ULK2: variants seen among roughly 807,000 people sequenced by gnomAD.
ULK2 encodes unc-51 like autophagy activating kinase 2.
ULK2 carries 76 observed loss-of-function variants against 127.5 expected under a neutral mutation model. The observed-to-expected ratio is 0.60, with a 90% CI of 0.50 to 0.72. The LOEUF (loss-of-function observed/expected upper bound fraction) is 0.72. Among genes scored for constraint, ULK2 ranks in the 30% least tolerant of loss-of-function variants. The probability of loss-of-function intolerance (pLI) is 0.00; values close to 1 mark genes in which losing one functional copy is unlikely to be tolerated. For synonymous variants in ULK2, 452 were observed against 461.9 expected, an observed-to-expected ratio of 0.98 and a Z score of 0.28; for missense variants, 1,144 against 1,295.9, an observed-to-expected ratio of 0.88 and a Z score of 1.80.
chr17:19,799,464 A>C, intron 17 of ULK2, 31 bp downstream of exon 17: 1 of 1,481,434 alleles, frequency 6.8e-7, no homozygotes, highest in Non-Finnish European at 9.0e-7. Context: ...ATACAATTCA[A>C]ATTATTAATA....
rs765480070 is a variant in ULK2, at chr17:19,804,829, G to A, written c.1159C>T (p.Gln387Ter). ...ASNEFLVCGG[Q>*]CQPTVSPHSE... is the part of the protein sequence containing the mutation. ...TGAGGTGACACAGTAGGCTGACACT[G>A]CCTGCAATCGTAATTTATTGAAAAA... Residue 387 changes from glutamine (Q) to a stop codon, truncating the protein, a stop_gained and splice_region_variant, in exon 15 of 27, where the codon CAG becomes TAG. Coordinates refer to ENST00000395544, the MANE Select transcript of ULK2 (RefSeq NM_014683.4). LOFTEE classifies it high-confidence loss of function. 2 of 1,610,110 alleles carry A rather than the reference G, an allele frequency of 1.2e-6. No homozygotes were observed. The highest frequency in any genetic ancestry group is 2.2e-5 in the East Asian group (1 of 44,828).
At chr17:19,829,856 A>AAT (rs1555561206) in intron 10 of ULK2, among the ~76,000 whole-genome samples, 17 of 150,434 alleles carry the variant, frequency 1.1e-4, no homozygotes, top group Non-Finnish European at 5.9e-5. Context: ...AAAAAAAAAA[A>AAT]GGTATTAAAT....
chr17:19,814,433 TATA>T (rs1567696479), intron 13 of ULK2, among the ~76,000 whole-genome samples: 1,674 of 23,506 alleles, frequency 0.071, 13 homozygotes, highest in Non-Finnish European at 0.095. Context: ...TATATATATA[TATA>T]TATTTTTTTT....
chr17:19,842,838 T>C (rs1366718773), intron 8 of ULK2, among the ~76,000 whole-genome samples: 1 of 152,062 alleles, frequency 6.6e-6, no homozygotes, highest in Non-Finnish European at 1.5e-5. Context: ...ACTAGGAAGC[T>C]CTGGTGTCAC....
chr17:19,831,230 C>G (rs899324509), intron 10 of ULK2, among the ~76,000 whole-genome samples: 2 of 151,976 alleles, frequency 1.3e-5, no homozygotes, highest in Admixed American at 6.6e-5. Flanking sequence ...CTCACTATCA[C>G]GAGAACAGCA....
intron 12 of ULK2, among the ~76,000 whole-genome samples, chr17:19,821,398 A>C (rs1315580635): frequency 2.2e-5 from 3 of 138,370 alleles, no homozygotes; most frequent in African/African-American, 8.3e-5. Context: ...AGTGATTTGG[A>C]GTTTTTTTAT....
chr17:19,830,980 T>C (rs2041426093), intron 10 of ULK2, among the ~76,000 whole-genome samples: 1 of 149,448 alleles, frequency 6.7e-6, no homozygotes, highest in Non-Finnish European at 1.5e-5. Flanking sequence ...TGAGCCACGA[T>C]TGCTCCACTG....
At chr17:19,853,896 C>T (rs1265644727) in intron 3 of ULK2, among the ~76,000 whole-genome samples, 1 of 152,158 alleles carries the variant, frequency 6.6e-6, no homozygotes, top group Admixed American at 6.6e-5. Flanking sequence ...AATAACATCA[C>T]CATGAGTGAT....
At chr17:19,831,077 G>A (rs2041430104) in intron 10 of ULK2, among the ~76,000 whole-genome samples, 1 of 151,134 alleles carries the variant, frequency 6.6e-6, no homozygotes. Flanking sequence ...GAAGAAAAGA[G>A]GTTTAATTTA....
intron 10 of ULK2, among the ~76,000 whole-genome samples, chr17:19,837,947 T>C (rs1439479352): frequency 6.6e-6 from 1 of 152,214 alleles, no homozygotes; most frequent in East Asian, 1.9e-4. Flanking sequence ...ACCCTCTAAA[T>C]GGCTCCCATC....
rs561120263 is a variant in ULK2, at chr17:19,799,015, G to T, written c.1522+480C>A. 2.0e-5 allele frequency among the ~76,000 whole-genome samples: 3 copies of T among 152,050 alleles called. No individual in the cohort carries two copies. In the South Asian group the frequency reaches 6.2e-4, roughly 32 times the overall value. On this transcript the variant is annotated intron_variant, in intron 17 of 26. Transcript: ENST00000395544. ...GTCTCTACTAAAAATACAAAAATTA[G>T]CCGGGCATGGTGTTGCTCACCTGTA...
At chr17:19,865,266 C>T (rs1286880442) in intron 2 of ULK2, among the ~76,000 whole-genome samples, 2 of 152,122 alleles carry the variant, frequency 1.3e-5, no homozygotes, top group Non-Finnish European at 2.9e-5. Context: ...GTTTTCCAAA[C>T]GTACTCAACC....
rs199913999 is a variant in ULK2 at position 19,772,975 on chromosome 17, CA to C, written c.*3373del. On this transcript the variant is annotated 3_prime_UTR_variant, in exon 27 of 27. Coordinates refer to ENST00000395544, the MANE Select transcript of ULK2 (RefSeq NM_014683.4). Reference sequence around the variant, plus strand: ...CCTGGGTGACAGAGCAAGACTGTCTCAAAAAAAAAAACCAAAAAACAAAAAC... The same window carrying C: ...CCTGGGTGACAGAGCAAGACTGTCTCAAAAAAAAAACCAAAAAACAAAAAC... 5.1e-4 allele frequency: 71 copies of C among 140,148 alleles called. No homozygotes were observed. Among genetic ancestry groups the C allele is most frequent in the East Asian group, 2.1e-3 (10 of 4,820 alleles). 8.7% of individuals were successfully genotyped at this position (140,148 alleles called of 1,614,324 possible).
At chr17:19,780,084 G>C (rs373808282) in intron 25 of ULK2, among the ~76,000 whole-genome samples, 1 of 151,258 alleles carries the variant, frequency 6.6e-6, no homozygotes, top group Non-Finnish European at 1.5e-5. Flanking sequence ...TGAGGCAGGA[G>C]AATCACTTGA....
chr17:19,796,412 T>C, intron 18 of ULK2, 130 bp from the exon 19 acceptor site: 1 of 839,004 alleles, frequency 1.2e-6, no homozygotes. Flanking sequence ...TGGGAAAAAT[T>C]GTAGAAAGAT....
At position 19,781,915 on chromosome 17, in the gene ULK2, C is replaced by T; in HGVS notation, c.2613G>A (p.Gln871=). 3 of 1,614,028 alleles carry T rather than the reference C, an allele frequency of 1.9e-6. No homozygotes were observed. The highest frequency in any genetic ancestry group is 2.5e-6 in the Non-Finnish European group (3 of 1,179,970). ...CCCAGTCTTTGCTCAGCTGACTGATCTGGTCCACCACCACACTCTCCTGGA... is the reference window on the plus strand; with the variant it reads ...CCCAGTCTTTGCTCAGCTGACTGATTTGGTCCACCACCACACTCTCCTGGA... ...YQIQESVVVD[Q]ISQLSKDWGR... The change falls in exon 23 of 27, where the codon CAG becomes CAA. Residue 871 remains glutamine, a synonymous_variant. Transcript: ENST00000395544.
Position 19,843,118 on chromosome 17 carries a change from T to C in ULK2, c.645+3A>G. 6.2e-7 allele frequency: 1 copy of C among 1,612,134 alleles called. No homozygotes were observed. Among genetic ancestry groups the C allele is most frequent in the Non-Finnish European group, 8.5e-7 (1 of 1,178,346 alleles). On this transcript the variant is annotated splice_donor_region_variant and intron_variant, in intron 8 of 26. Transcript: ENST00000395544. ...TGAGGACATAAGAAAAAAGTCAGCCTACCTGAAAAGGTGGTTTTCCAACTA... is the reference window on the plus strand; with the variant it reads ...TGAGGACATAAGAAAAAAGTCAGCCCACCTGAAAAGGTGGTTTTCCAACTA...
At chr17:19,780,342 G>T in intron 25 of ULK2, 130 bp downstream of exon 25, 1 of 757,012 alleles carries the variant, frequency 1.3e-6, no homozygotes, top group Non-Finnish European at 1.9e-6. Context: ...TTCTTTAGTA[G>T]AAGGCAATCC....
intron 19 of ULK2, 41 bp downstream of exon 19, chr17:19,796,052 TAC>T: frequency 6.4e-7 from 1 of 1,569,598 alleles, no homozygotes. Flanking sequence ...GTTTTACTAT[TAC>T]AGTTTTCATG....
Sources: gnomAD v4.1 joint callset for allele counts (sites outside exome capture counted in the v4.1 genomes callset) on GRCh38, gnomAD v4.1.1 for gene constraint, MANE v1.5 for transcripts, NCBI Gene and HGNC (gene_info 2026-07-23, HGNC 2026-07-21) for gene names.